KAT2B: variants seen among roughly 807,000 people sequenced by gnomAD.
KAT2B encodes lysine acetyltransferase 2B.
In KAT2B, 36 loss-of-function variants were observed where a neutral mutation model predicts 105.9. That is an observed-to-expected ratio of 0.34 (90% confidence interval 0.26 to 0.45). The LOEUF is 0.45. Ranked by LOEUF, KAT2B falls within the 20% of genes least tolerant of loss-of-function variation. The pLI is 1.00. For synonymous variants in KAT2B, 397 were observed against 377.9 expected (o/e 1.05, Z -0.59); for missense variants, 820 against 1,021.6 (o/e 0.80, Z 2.69).
intron 5 of KAT2B, among the ~76,000 whole-genome samples, chr3:20,107,455 C>T (rs1359461341): frequency 2.6e-5 from 4 of 151,488 alleles, no homozygotes; most frequent in South Asian, 2.1e-4. Flanking sequence ...GTCAGGAGTT[C>T]AAGACCAGCC....
Position 20,072,386 on chromosome 3 carries a change from TC to T in KAT2B, c.363del (p.Arg122GlufsTer7). ...GWKNPNPSPT[P>X]PRADLQQIIV... ...GGAAAAACCCTAACCCCTCACCCACTCCCCCCAGAGCCGACCTGCAGCAAAT... is the reference window on the plus strand; with the variant it reads ...GGAAAAACCCTAACCCCTCACCCACTCCCCCAGAGCCGACCTGCAGCAAAT... On this transcript the variant is annotated frameshift_variant, in exon 2 of 18. Coordinates refer to ENST00000263754, the MANE Select transcript of KAT2B (RefSeq NM_003884.5). LOFTEE classifies it high-confidence loss of function. 1 of 1,612,520 alleles carries T rather than the reference TC, an allele frequency of 6.2e-7. No individual in the cohort carries two copies.
intron 5 of KAT2B, among the ~76,000 whole-genome samples, chr3:20,106,843 G>A (rs1448675835): frequency 6.7e-6 from 1 of 150,124 alleles, no homozygotes; most frequent in Non-Finnish European, 1.5e-5. Context: ...CTCTAAATCA[G>A]CACTGTCCAG....
At position 20,153,437 on chromosome 3, in the gene KAT2B, A is replaced by G. The variant is rs942247306; in HGVS notation, c.*912A>G. 2.6e-5 allele frequency: 4 copies of G among 152,534 alleles called. No individual in the cohort carries two copies. Among genetic ancestry groups the G allele is most frequent in the South Asian group, 2.1e-4 (1 of 4,836 alleles). 9.4% of individuals were successfully genotyped at this position (152,534 alleles called of 1,614,324 possible). ...CTAATAAAGGTTCTTTTTCTTTTCTATGATACACACAGCCACGCTGATAAT... is the reference window on the plus strand; with the variant it reads ...CTAATAAAGGTTCTTTTTCTTTTCTGTGATACACACAGCCACGCTGATAAT... On this transcript the variant is annotated 3_prime_UTR_variant, in exon 18 of 18. Coordinates refer to ENST00000263754, the MANE Select transcript of KAT2B (RefSeq NM_003884.5).
intron 11 of KAT2B, among the ~76,000 whole-genome samples, chr3:20,130,604 G>A (rs142840196): frequency 1.3e-5 from 2 of 152,208 alleles, no homozygotes; most frequent in African/African-American, 2.4e-5. Flanking sequence ...GACACTTTTA[G>A]GGATACTAAA....
At chr3:20,151,086 A>G (rs2068477) in intron 17 of KAT2B, among the ~76,000 whole-genome samples, 42,757 of 152,002 alleles carry the variant, frequency 0.28, 7,178 homozygotes, top group East Asian at 0.73. Context: ...ATTTAGTGTG[A>G]GATTTGATGA....
intron 1 of KAT2B, among the ~76,000 whole-genome samples, chr3:20,069,714 C>T (rs1043896834): frequency 1.3e-4 from 20 of 151,832 alleles, no homozygotes; most frequent in South Asian, 1.3e-3. Flanking sequence ...TTAGTAGAGA[C>T]GGGGTTTCAC....
At chr3:20,141,232 C>T (rs1008690455) in intron 13 of KAT2B, among the ~76,000 whole-genome samples, 1 of 152,176 alleles carries the variant, frequency 6.6e-6, no homozygotes, top group Admixed American at 6.5e-5. Flanking sequence ...GTTCTGAAGG[C>T]TTATCCTTCT....
intron 13 of KAT2B, among the ~76,000 whole-genome samples, chr3:20,145,462 C>T (rs1314868790): frequency 2.7e-5 from 4 of 149,298 alleles, no homozygotes; most frequent in African/African-American, 9.9e-5. Flanking sequence ...TTTTGTTTTC[C>T]TTTGTGAATG....
At chr3:20,040,815 G>A (rs987204848) in intron 1 of KAT2B, 35 bp downstream of exon 1, 1 of 1,551,240 alleles carries the variant, frequency 6.4e-7, no homozygotes, top group Non-Finnish European at 8.7e-7. Context: ...GCGGATGGGT[G>A]CTAGGGGCCC....
chr3:20,139,101 G>A (rs1162540318), intron 12 of KAT2B, among the ~76,000 whole-genome samples: 1 of 151,930 alleles, frequency 6.6e-6, no homozygotes, highest in Non-Finnish European at 1.5e-5. Flanking sequence ...GAGGGGTTGG[G>A]AGAGAATCTT....
chr3:20,076,193 G>T (rs1698416228), intron 2 of KAT2B, among the ~76,000 whole-genome samples: 1 of 152,072 alleles, frequency 6.6e-6, no homozygotes, highest in Non-Finnish European at 1.5e-5. Flanking sequence ...CAGGAACTGG[G>T]ACAAAGACCA....
At chr3:20,102,826 G>A (rs928536258) in intron 5 of KAT2B, among the ~76,000 whole-genome samples, 1 of 152,104 alleles carries the variant, frequency 6.6e-6, no homozygotes, top group Non-Finnish European at 1.5e-5. Context: ...GGGAGCTTTA[G>A]TGCCTACTTT....
chr3:20,068,194 C>T (rs1327408158), intron 1 of KAT2B, among the ~76,000 whole-genome samples: 2 of 151,528 alleles, frequency 1.3e-5, no homozygotes, highest in African/African-American at 2.4e-5. Flanking sequence ...TGGGATTTCA[C>T]CATGTTGGCC....
chr3:20,043,493 T>C (rs767372484), intron 1 of KAT2B, among the ~76,000 whole-genome samples: 8 of 152,066 alleles, frequency 5.3e-5, no homozygotes, highest in Non-Finnish European at 1.2e-4. Context: ...AGGGTGGGAT[T>C]GGCTTCCTGG....
rs755004501 is a variant in KAT2B at position 20,119,608 on chromosome 3, A to C, written c.1161A>C (p.Pro387=). ...CTTTTGCCGGGGCAGTTATCAATCC[A>C]CCTCCTGTGGCTGGGACAATTTCAT... is the stretch of plus-strand genomic sequence containing the variant. ...SQLGIQTVIN[P]PPVAGTISYN... The change falls in exon 8 of 18, where the codon CCA becomes CCC. Residue 387 remains proline, a synonymous_variant. Transcript: ENST00000263754. 6 of 1,613,820 alleles carry C rather than the reference A, an allele frequency of 3.7e-6. No individual in the cohort carries two copies. The South Asian group carries it at 6.6e-5, about 18-fold the overall frequency.
At chr3:20,150,626 C>T (rs972507058) in intron 17 of KAT2B, among the ~76,000 whole-genome samples, 1 of 152,140 alleles carries the variant, frequency 6.6e-6, no homozygotes, top group African/African-American at 2.4e-5. Flanking sequence ...TTTTAACCCA[C>T]CTCATTTTGT....
At chr3:20,068,286 G>C (rs996528378) in intron 1 of KAT2B, among the ~76,000 whole-genome samples, 5 of 151,818 alleles carry the variant, frequency 3.3e-5, no homozygotes, top group African/African-American at 4.8e-5. Context: ...GTGAGCCACT[G>C]TGCTTGACCC....
chr3:20,113,188 T>C (rs1699151255), intron 6 of KAT2B, among the ~76,000 whole-genome samples: 1 of 152,226 alleles, frequency 6.6e-6, no homozygotes, highest in Non-Finnish European at 1.5e-5. Context: ...GGCACACTCA[T>C]GTATTTCAGT....
chr3:20,072,399 G>T lies in KAT2B; in HGVS notation c.370G>T (p.Asp124Tyr). The T allele has an allele frequency of 6.2e-7, 1 of 1,613,412 alleles. No individual in the cohort carries two copies. The highest frequency in any genetic ancestry group is 1.1e-5 in the South Asian group (1 of 91,054). Residue 124 changes from aspartate to tyrosine, a missense_variant, in exon 2 of 18, where the codon GAC becomes TAC. Asp to Tyr is a radical substitution (Grantham distance 160). Transcript: ENST00000263754. ...PNPSPTPPRA[D>Y]LQQIIVSLTE... ...CCCCTCACCCACTCCCCCCAGAGCC[G>T]ACCTGCAGCAAATAATTGTCAGTCT...
Sources: allele counts gnomAD v4.1 joint callset (sites outside exome capture counted in the v4.1 genomes callset), GRCh38; gene constraint gnomAD v4.1.1; transcripts MANE v1.5; gene names NCBI Gene and HGNC (gene_info 2026-07-23, HGNC 2026-07-21).